The following GMDS variants were observed in gnomAD, a reference collection of about 807,000 sequenced individuals.
GMDS encodes the protein GDP-mannose 4,6-dehydratase, also known as GDP-mannose 4,6 dehydratase.
Under a neutral mutation model 49.9 loss-of-function variants are expected in GMDS, and 20 were observed. The observed-to-expected ratio is 0.40, with a 90% CI of 0.28 to 0.58. The LOEUF is 0.58. Among genes scored for constraint, GMDS ranks in the 20% least tolerant of loss-of-function variants. GMDS has a pLI of 0.42. For missense variants in GMDS, 362 were observed against 481.4 expected, an observed-to-expected ratio of 0.75 and a Z score of 2.32; for synonymous variants, 177 against 178.6, an observed-to-expected ratio of 0.99 and a Z score of 0.07.
chr6:1,876,015 C>CAAAAAAAAAAAAAAAAAAAAA (rs112121475), intron 7 of GMDS, among the ~76,000 whole-genome samples: 2 of 129,252 alleles, frequency 1.5e-5, no homozygotes, highest in African/African-American at 6.5e-5. Context: ...AGCACTATCT[C>CAAAAAAAAAAAAAAAAAAAAA]AAAAAAAAAA....
rs114439702 is a variant in GMDS at position 1,758,029 on chromosome 6, C to T, written c.772-15443G>A. ...AGGACATCTCCACTCAGAAGAGGCA[C>T]AATTTGAGTGCTCAGCAGACACACA... On this transcript the variant is annotated intron_variant, in intron 7 of 10. Coordinates refer to ENST00000380815, the MANE Select transcript of GMDS (RefSeq NM_001500.4). Among the ~76,000 whole-genome samples, 677 of 152,320 alleles carry T rather than the reference C, an allele frequency of 4.4e-3. 4 individuals are homozygous for T. Among genetic ancestry groups the T allele is most frequent in the African/African-American group, 0.015 (626 of 41,572 alleles).
intron 7 of GMDS, among the ~76,000 whole-genome samples, chr6:1,866,798 T>C (rs1186181604): frequency 6.6e-6 from 1 of 152,120 alleles, no homozygotes; most frequent in African/African-American, 2.4e-5. Context: ...TGCCACACAG[T>C]GCCCCCCCGG....
At chr6:2,077,713 T>A (rs530070703) in intron 4 of GMDS, among the ~76,000 whole-genome samples, 1 of 152,176 alleles carries the variant, frequency 6.6e-6, no homozygotes, top group Non-Finnish European at 1.5e-5. Context: ...TTTGAATCCA[T>A]ATTCATCAAG....
intron 1 of GMDS, among the ~76,000 whole-genome samples, chr6:2,224,777 G>A (rs2127591776): frequency 6.6e-6 from 1 of 152,256 alleles, no homozygotes; most frequent in South Asian, 2.1e-4. Context: ...AAGAATTCTA[G>A]GTCAAAGCAG....
At chr6:2,202,424 A>G (rs937057891) in intron 1 of GMDS, among the ~76,000 whole-genome samples, 1 of 128,846 alleles carries the variant, frequency 7.8e-6, no homozygotes, top group South Asian at 2.8e-4. Flanking sequence ...GACTGCTGCC[A>G]ATTTCTTTCT....
intron 7 of GMDS, among the ~76,000 whole-genome samples, chr6:1,819,485 G>T (rs1386893669): frequency 6.6e-6 from 1 of 152,030 alleles, no homozygotes; most frequent in Non-Finnish European, 1.5e-5. Flanking sequence ...TTGGGCCTGG[G>T]TGCGGTGGCT....
At chr6:2,124,452 T>C (rs545283672) in intron 2 of GMDS, among the ~76,000 whole-genome samples, 1 of 152,334 alleles carries the variant, frequency 6.6e-6, no homozygotes, top group African/African-American at 2.4e-5. Context: ...GTGGGAAGTG[T>C]GCACCACAGC....
intron 7 of GMDS, among the ~76,000 whole-genome samples, chr6:1,894,851 A>G (rs1760069518): frequency 1.3e-5 from 2 of 152,252 alleles, no homozygotes; most frequent in African/African-American, 4.8e-5. Context: ...AGCAACAGAC[A>G]TTTAGGAAAT....
chr6:2,209,747 ATT>A (rs1779982935), intron 1 of GMDS, among the ~76,000 whole-genome samples: 1 of 152,182 alleles, frequency 6.6e-6, no homozygotes, highest in Admixed American at 6.5e-5. Flanking sequence ...AGAAAAAATA[ATT>A]TTAAAATTGG....
chr6:1,999,921 ATATTATATAT>A (rs1201200309), intron 4 of GMDS, among the ~76,000 whole-genome samples: 84 of 91,558 alleles, frequency 9.2e-4, no homozygotes, highest in Non-Finnish European at 1.2e-3. Flanking sequence ...TATTATATAC[ATATTATATAT>A]TATTATATAT....
chr6:1,961,432 A>G (rs576296183), intron 4 of GMDS, among the ~76,000 whole-genome samples: 1 of 152,138 alleles, frequency 6.6e-6, no homozygotes, highest in Non-Finnish European at 1.5e-5. Context: ...GGGTTGTTTT[A>G]TTTTCTATTC....
chr6:1,798,717 C>T (rs990876443), intron 7 of GMDS, among the ~76,000 whole-genome samples: 15 of 152,266 alleles, frequency 9.9e-5, no homozygotes, highest in East Asian at 1.9e-4. Flanking sequence ...CAAACAGAAC[C>T]GAGCACTGTA....
intron 9 of GMDS, among the ~76,000 whole-genome samples, chr6:1,697,295 G>T (rs949992440): frequency 1.3e-5 from 2 of 152,148 alleles, no homozygotes; most frequent in Non-Finnish European, 2.9e-5. Context: ...GGCTTCCTCC[G>T]AGCCAGATAC....
At chr6:2,023,053 T>C (rs760745097) in intron 4 of GMDS, among the ~76,000 whole-genome samples, 1 of 152,210 alleles carries the variant, frequency 6.6e-6, no homozygotes, top group South Asian at 2.1e-4. Context: ...AATACTGACG[T>C]AGGACCTAGA....
intron 9 of GMDS, among the ~76,000 whole-genome samples, chr6:1,709,685 T>G (rs1203142231): frequency 6.6e-6 from 1 of 152,210 alleles, no homozygotes; most frequent in Non-Finnish European, 1.5e-5. Flanking sequence ...CCCACTCCTC[T>G]GGCTGCCCTT....
chr6:2,127,087 A>G (rs1320704462), intron 1 of GMDS, among the ~76,000 whole-genome samples: 1 of 152,224 alleles, frequency 6.6e-6, no homozygotes, highest in Non-Finnish European at 1.5e-5. Flanking sequence ...TCAGATAATG[A>G]CACTGACCAT....
intron 9 of GMDS, among the ~76,000 whole-genome samples, chr6:1,713,539 A>G (rs1766056024): frequency 6.6e-6 from 1 of 151,716 alleles, no homozygotes. Context: ...CTTTAGGAGG[A>G]GGTGGTGATG....
chr6:1,873,447 A>G (rs1283135780), intron 7 of GMDS, among the ~76,000 whole-genome samples: 1 of 152,206 alleles, frequency 6.6e-6, no homozygotes, highest in Non-Finnish European at 1.5e-5. Flanking sequence ...AATTTTGAGC[A>G]ACAGCTTCCC....
intron 1 of GMDS, among the ~76,000 whole-genome samples, chr6:2,202,213 G>C (rs1779575004): frequency 1.4e-5 from 2 of 147,932 alleles, no homozygotes; most frequent in African/African-American, 2.5e-5. Context: ...AGTGAGGGCA[G>C]CATGTTAGCA....
Sources: gnomAD v4.1 joint callset for allele counts (sites outside exome capture counted in the v4.1 genomes callset) on GRCh38, gnomAD v4.1.1 for gene constraint, MANE v1.5 for transcripts, NCBI Gene and HGNC (gene_info 2026-07-23, HGNC 2026-07-21) for gene names.